Variants in PTRH1 observed in about 807,000 individuals in gnomAD.
The protein encoded by PTRH1 is peptidyl-tRNA hydrolase.
In PTRH1, 13 loss-of-function variants were observed where a neutral mutation model predicts 15.7. The ratio of observed to expected loss-of-function variants is 0.83; its 90% CI spans 0.54 to 1.31. The LOEUF (loss-of-function observed/expected upper bound fraction) is 1.31, where lower values mean the gene tolerates loss of function less well. Among genes scored for constraint, PTRH1 ranks in the 40% most tolerant of loss-of-function variants. The probability of loss-of-function intolerance (pLI) is 0.00; values close to 1 mark genes in which losing one functional copy is unlikely to be tolerated. For synonymous variants in PTRH1, 139 were observed against 136.7 expected (o/e 1.02, Z -0.12); for missense variants, 319 against 296.2 (o/e 1.08, Z -0.56).
intron 2 of PTRH1, 38 bp from the exon 3 acceptor site, chr9:127,714,740 T>C (rs1842885907): frequency 1.3e-6 from 2 of 1,539,348 alleles, no homozygotes; most frequent in South Asian, 2.3e-5. Flanking sequence ...TTACTGCCCA[T>C]CTGCCCAGAG....
chr9:127,703,565 GATT>G (rs1367159952), intron 1 of PTRH1, among the ~76,000 whole-genome samples: 1 of 152,216 alleles, frequency 6.6e-6, no homozygotes, highest in Non-Finnish European at 1.5e-5. Context: ...TTTAGACATG[GATT>G]TTTTGAAGCT....
At chr9:127,697,965 A>G (rs576390561) in intron 1 of PTRH1, among the ~76,000 whole-genome samples, 1 of 152,370 alleles carries the variant, frequency 6.6e-6, no homozygotes, top group South Asian at 2.1e-4. Context: ...ATTTAAAGCT[A>G]CAATCCAAGG....
At chr9:127,709,717 G>A (rs1321666796), downstream of PTRH1, 1 of 1,605,134 alleles carries the variant, frequency 6.2e-7, no homozygotes, top group Non-Finnish European at 8.5e-7. This position sits in a 1 kb window ranked among gnomAD's most constrained non-coding sequence, Gnocchi z 4.7. Flanking sequence ...TGGCTGGTGA[G>A]CCTGCAGGCA....
At chr9:127,709,222 T>C (rs114961288), downstream of PTRH1, among the ~76,000 whole-genome samples, 706 of 152,196 alleles carry the variant, frequency 4.6e-3, 9 homozygotes, top group South Asian at 0.04. This position sits in a 1 kb window ranked among gnomAD's most constrained non-coding sequence, Gnocchi z 4.7. Flanking sequence ...GTAATGAAAA[T>C]AACATGCTAA....
At chr9:127,713,738 G>T (rs998827858), downstream of PTRH1, 2 of 1,014,130 alleles carry the variant, frequency 2.0e-6, no homozygotes, top group South Asian at 2.6e-5. Context: ...AACTCCTGAC[G>T]TCAAGCAATC....
At position 127,703,334 on chromosome 9, in the gene PTRH1, T is replaced by C. The variant is rs540236591; in HGVS notation, c.206-8193A>G. On this transcript the variant is annotated intron_variant, in intron 1 of 2. Coordinates refer to the PTRH1 transcript ENST00000335223. ...GGTGGTGCACACCTGTAATCCCATC[T>C]ACCTGGGAAGCTGAGGCAGGAGAAT... is the stretch of plus-strand genomic sequence containing the variant. Among the ~76,000 whole-genome samples the C allele has an allele frequency of 7.9e-5, 12 of 152,110 alleles. No individual in the cohort carries two copies. In the South Asian group the frequency reaches 2.5e-3, roughly 32 times the overall value.
At chr9:127,707,315 A>T in intron 1 of PTRH1, 1 of 1,013,422 alleles carries the variant, frequency 9.9e-7, no homozygotes, top group Non-Finnish European at 1.4e-6. Context: ...GGATGTCCAG[A>T]CCCCATCCCG....
chr9:127,713,718 G>A (rs527611146), downstream of PTRH1: 106 of 781,754 alleles, frequency 1.4e-4, no homozygotes, highest in Non-Finnish European at 2.1e-4. Flanking sequence ...TGTTGGCCAG[G>A]CTGGTCTCGA....
Position 127,715,649 on chromosome 9 carries a change from A to G in PTRH1, c.-10T>C, listed in dbSNP as rs372208019. The G allele has an allele frequency of 6.2e-6, 10 of 1,609,868 alleles. No individual in the cohort carries two copies. Among genetic ancestry groups the G allele is most frequent in the African/African-American group, 1.3e-5 (1 of 74,858 alleles). On this transcript the variant is annotated 5_prime_UTR_variant, in exon 1 of 5. It removes an upstream start codon present in the reference 5' UTR. Transcript: ENST00000543175. The surrounding 1 kb of genome is among the most constrained non-coding windows in gnomAD (Gnocchi z 5.8). ...AGCCGCCCGGCCTCATGCTGCCCCC[A>G]TTCACTCCGACACCGCCCCCTGACG...
At chr9:127,698,055 T>C (rs1259004632) in intron 1 of PTRH1, among the ~76,000 whole-genome samples, 2 of 152,198 alleles carry the variant, frequency 1.3e-5, no homozygotes, top group African/African-American at 2.4e-5. Flanking sequence ...AAGGGGCTAA[T>C]ATCCAGATGC....
At position 127,715,086 on chromosome 9, in the gene PTRH1, C is replaced by A; in HGVS notation, c.205G>T (p.Asp69Tyr). The change falls in exon 2 of 5, where the codon GAC (aspartate) becomes TAC (tyrosine). Residue 69 changes from aspartate (D) to tyrosine (Y), a missense_variant. By Grantham distance (160) the Asp-to-Tyr change is radical. Coordinates refer to ENST00000543175, the MANE Select transcript of PTRH1 (RefSeq NM_001002913.3). This position sits in a 1 kb window ranked among gnomAD's most constrained non-coding sequence, Gnocchi z 5.8. ...RLGVAESWTR[D>Y]RHCAADLALA... ...GCGAGGTCGGCGGCACAGTGCCGGTCGCGCGTCCAACTCTCCGCCACACCC... is the reference window on the plus strand; with the variant it reads ...GCGAGGTCGGCGGCACAGTGCCGGTAGCGCGTCCAACTCTCCGCCACACCC... 1 of 1,532,206 alleles carries A rather than the reference C, an allele frequency of 6.5e-7. No individual in the cohort carries two copies. Among genetic ancestry groups the A allele is most frequent in the South Asian group, 1.2e-5 (1 of 83,730 alleles). The allele number at this position is 1,532,206 out of a possible 1,614,324, so 94.9% of individuals were successfully genotyped here.
At chr9:127,707,235 A>G (rs1168258939) in intron 1 of PTRH1, 2 of 1,594,830 alleles carry the variant, frequency 1.3e-6, no homozygotes, top group Admixed American at 3.4e-5. Flanking sequence ...CTGGGTCAGA[A>G]GCCCATGCCC....
intron 1 of PTRH1, chr9:127,707,133 C>T: frequency 3.1e-6 from 5 of 1,613,804 alleles, no homozygotes; most frequent in Non-Finnish European, 4.2e-6. Flanking sequence ...CGCCTCTGGC[C>T]AAGGAGATGA....
chr9:127,712,716 G>T (rs551402620), downstream of PTRH1: 54 of 1,614,150 alleles, frequency 3.3e-5, no homozygotes, highest in South Asian at 5.7e-4. Flanking sequence ...CAGATGCACC[G>T]CGATGAAGAG....
downstream of PTRH1, among the ~76,000 whole-genome samples, chr9:127,709,997 C>T (rs535797748): frequency 2.6e-5 from 4 of 152,266 alleles, no homozygotes; most frequent in African/African-American, 9.6e-5. The surrounding 1 kb of genome is among the most constrained non-coding windows in gnomAD (Gnocchi z 4.7). Flanking sequence ...GCTGGCTGGG[C>T]GTGGTGGCCC....
chr9:127,715,090 C>A lies in PTRH1; in HGVS notation c.201G>T (p.Thr67=). Residue 67 remains threonine (T), a synonymous_variant, in exon 2 of 5, where the codon ACG becomes ACT. Coordinates refer to ENST00000543175, the MANE Select transcript of PTRH1 (RefSeq NM_001002913.3). This position sits in a 1 kb window ranked among gnomAD's most constrained non-coding sequence, Gnocchi z 5.8. ...ARRLGVAESW[T]RDRHCAADLA... ...GGTCGGCGGCACAGTGCCGGTCGCG[C>A]GTCCAACTCTCCGCCACACCCAGCC... 1 of 1,532,530 alleles carries A rather than the reference C, an allele frequency of 6.5e-7. No individual in the cohort carries two copies. The allele number at this position is 1,532,530 out of a possible 1,614,324, so 94.9% of individuals were successfully genotyped here. A position where few individuals can be genotyped will look rare whatever the true frequency, so the allele number is the denominator to read the frequency against.
chr9:127,707,029 G>C, intron 1 of PTRH1: 1 of 1,613,600 alleles, frequency 6.2e-7, no homozygotes, highest in Non-Finnish European at 8.5e-7. Context: ...GTTGCCATCA[G>C]CCATGGCTCC....
chr9:127,715,204 G>A lies in PTRH1; in HGVS notation c.97-10C>T. 2 of 1,526,184 alleles carry A rather than the reference G, an allele frequency of 1.3e-6. No homozygotes were observed. Among genetic ancestry groups the A allele is most frequent in the Admixed American group, 2.0e-5 (1 of 49,884 alleles). 94.5% of individuals were successfully genotyped at this position (1,526,184 alleles called of 1,614,324 possible). On this transcript the variant is annotated splice_polypyrimidine_tract_variant and intron_variant, in intron 1 of 4. Coordinates refer to ENST00000543175, the MANE Select transcript of PTRH1 (RefSeq NM_001002913.3). The surrounding 1 kb of genome is among the most constrained non-coding windows in gnomAD (Gnocchi z 5.8). The stretch of plus-strand genomic sequence containing the variant: ...TCCCCAGGCCAGCCACCTGCGGGCG[G>A]CACCAGGGAAACTGAGGCCCAACAA...
At chr9:127,710,467 G>A (rs1842739308), downstream of PTRH1, 1 of 1,089,482 alleles carries the variant, frequency 9.2e-7, no homozygotes. Flanking sequence ...GGTGGGGGAT[G>A]GTAGACCTGC....
Sources: allele counts gnomAD v4.1 joint callset (sites outside exome capture counted in the v4.1 genomes callset), GRCh38; gene constraint gnomAD v4.1.1; non-coding constraint Gnocchi (gnomAD v3.1); transcripts MANE v1.5; gene names NCBI Gene and HGNC (gene_info 2026-07-23, HGNC 2026-07-21).